ZNF391: variants seen among roughly 807,000 people sequenced by gnomAD.
ZNF391 encodes the protein zinc finger protein 391.
For missense variants in ZNF391, 375 were observed against 425.5 expected, an observed-to-expected ratio of 0.88 and a Z score of 1.04; for synonymous variants, 126 against 142.1, an observed-to-expected ratio of 0.89 and a Z score of 0.80.
intron 1 of ZNF391, among the ~76,000 whole-genome samples, chr6:27,380,088 G>A (rs552049923): frequency 4.8e-4 from 73 of 152,320 alleles, no homozygotes; most frequent in African/African-American, 1.7e-3. Flanking sequence ...TTGAGCCCAG[G>A]AGTTAAAGAC....
intron 1 of ZNF391, among the ~76,000 whole-genome samples, chr6:27,391,314 C>T (rs1365079930): frequency 6.8e-6 from 1 of 148,060 alleles, no homozygotes; most frequent in African/African-American, 2.5e-5. Flanking sequence ...AAGCGATTCT[C>T]CTGCCTCAGC....
chr6:27,401,219 G>A lies in ZNF391; in HGVS notation c.849G>A (p.Gly283=), dbSNP rs1581539359. Residue 283 remains glycine, a synonymous_variant, in exon 3 of 3, where the codon GGG becomes GGA. Coordinates refer to ENST00000244576, the MANE Select transcript of ZNF391 (RefSeq NM_001076781.3). Reference sequence around the variant, plus strand: ...ACCCCTATGAGTGCAGTGAATGTGGGAAAGTGTTCAGTCGAAGCTCGTCTC... The same window carrying A: ...ACCCCTATGAGTGCAGTGAATGTGGAAAAGTGTTCAGTCGAAGCTCGTCTC... The part of the protein sequence containing the change: ...GENPYECSEC[G]KVFSRSSSLT... The A allele has an allele frequency of 1.9e-6, 3 of 1,614,112 alleles. No homozygotes were observed. Among genetic ancestry groups the A allele is most frequent in the Non-Finnish European group, 2.5e-6 (3 of 1,180,004 alleles).
Position 27,403,225 on chromosome 6 carries a change from CTACT to C in ZNF391, c.*1788_*1791del, listed in dbSNP as rs1378716628. The C allele has an allele frequency of 6.6e-6, 1 of 152,136 alleles. No homozygotes were observed. Among genetic ancestry groups the C allele is most frequent in the African/African-American group, 2.4e-5 (1 of 41,432 alleles). 9.4% of individuals were successfully genotyped at this position (152,136 alleles called of 1,614,324 possible). A position where few individuals can be genotyped will look rare whatever the true frequency, so the allele number is the denominator to read the frequency against. ...ACCTAAAGGTCTTTCATAGTTTGAT[CTACT>C]TACTTACTTCCTTTCTCTTCTCAAA... On this transcript the variant is annotated 3_prime_UTR_variant, in exon 3 of 3. Transcript: ENST00000244576.
At chr6:27,399,813 A>G (rs188275126) in intron 2 of ZNF391, among the ~76,000 whole-genome samples, 1 of 152,288 alleles carries the variant, frequency 6.6e-6, no homozygotes, top group East Asian at 1.9e-4. Flanking sequence ...GGTCGTTACT[A>G]TTTCTGAAAT....
At chr6:27,392,422 A>T (rs1761733741) in intron 1 of ZNF391, among the ~76,000 whole-genome samples, 1 of 152,080 alleles carries the variant, frequency 6.6e-6, no homozygotes, top group African/African-American at 2.4e-5. Context: ...TGACTGGCTA[A>T]TTTTTATATT....
At chr6:27,389,101 A>G (rs1306898230) in intron 1 of ZNF391, 26 bp downstream of exon 1, 1 of 456,642 alleles carries the variant, frequency 2.2e-6, no homozygotes, top group Admixed American at 2.3e-5. Flanking sequence ...GGTTCTGGAA[A>G]GCGGAAACAC....
At chr6:27,379,362 T>C (rs1761464057) in intron 1 of ZNF391, among the ~76,000 whole-genome samples, 1 of 152,176 alleles carries the variant, frequency 6.6e-6, no homozygotes, top group Non-Finnish European at 1.5e-5. Flanking sequence ...CACCTAAAAC[T>C]AAACAAAAAT....
At chr6:27,396,750 A>AT (rs1227445851) in intron 1 of ZNF391, among the ~76,000 whole-genome samples, 1 of 152,190 alleles carries the variant, frequency 6.6e-6, no homozygotes, top group African/African-American at 2.4e-5. Flanking sequence ...AAAAAAATGT[A>AT]TATTTCCTTG....
intron 1 of ZNF391, among the ~76,000 whole-genome samples, chr6:27,382,166 T>C (rs1761520328): frequency 6.6e-6 from 1 of 152,114 alleles, no homozygotes; most frequent in African/African-American, 2.4e-5. Context: ...ACCCCGTCTC[T>C]GCTAAAAATA....
chr6:27,389,355 G>GGTCT (rs1214565474), intron 1 of ZNF391: 1 of 454,440 alleles, frequency 2.2e-6, no homozygotes, highest in Non-Finnish European at 4.4e-6. Flanking sequence ...GGGCGAGGGA[G>GGTCT]GTCTTCGGTA....
In ZNF391 at chr6:27,401,430, C is replaced by T; in HGVS notation, c.1060C>T (p.Leu354Phe). ...QSSTLIRHQH[L>F]HTKE is the part of the protein sequence containing the mutation. The stretch of plus-strand genomic sequence containing the variant: ...TTCAACTCTGATCAGACATCAGCAC[C>T]TTCATACTAAAGAGTAATATCTGAG... Residue 354 changes from leucine to phenylalanine, a missense_variant, in exon 3 of 3, where the codon CTT becomes TTT. Physicochemically the swap from Leu to Phe is conservative, Grantham distance 22 (BLOSUM62 0). Coordinates refer to ENST00000244576, the MANE Select transcript of ZNF391 (RefSeq NM_001076781.3). 1 of 1,606,862 alleles carries T rather than the reference C, an allele frequency of 6.2e-7. No individual in the cohort carries two copies. Among genetic ancestry groups the T allele is most frequent in the Admixed American group, 1.7e-5 (1 of 59,810 alleles).
Position 27,376,865 on chromosome 6 carries a change from T to C in ZNF391, n.523+1728T>C, listed in dbSNP as rs1233525335. Reference sequence around the variant, plus strand: ...AAGACTCCCTCTCAAAATAAATAAATAAATAATAAAATACGTACACATTCT... The same window carrying C: ...AAGACTCCCTCTCAAAATAAATAAACAAATAATAAAATACGTACACATTCT... On this transcript the variant is annotated intron_variant and non_coding_transcript_variant, in intron 1 of 2. Coordinates refer to the ZNF391 transcript ENST00000477999. The surrounding 1 kb of genome is among the most constrained non-coding windows in gnomAD (Gnocchi z 4.7). 1.3e-5 allele frequency among the ~76,000 whole-genome samples: 2 copies of C among 151,992 alleles called. No homozygotes were observed. The highest frequency in any genetic ancestry group is 2.9e-5 in the Non-Finnish European group (2 of 67,994).
At chr6:27,386,353 T>A (rs1347960139), upstream of ZNF391, among the ~76,000 whole-genome samples, 1 of 152,212 alleles carries the variant, frequency 6.6e-6, no homozygotes, top group East Asian at 1.9e-4. Context: ...ACAGATTCAA[T>A]GTATTCCTTA....
In ZNF391 at chr6:27,382,034, C is replaced by A. The variant is rs377499932; in HGVS notation, n.523+6897C>A. Among the ~76,000 whole-genome samples, 237 of 88,300 alleles carry A rather than the reference C, an allele frequency of 2.7e-3. 1 individual carries two copies. The highest frequency in any genetic ancestry group is 3.9e-3 in the Admixed American group (28 of 7,254). 57.9% of individuals were successfully genotyped at this position (88,300 alleles called of 152,430 possible). ...TGGGCAACAGAGCAAGACTCCATCTCAAAAAAAAAAAAAAAAGGCCGGCTG... is the reference window on the plus strand; with the variant it reads ...TGGGCAACAGAGCAAGACTCCATCTAAAAAAAAAAAAAAAAAGGCCGGCTG... On this transcript the variant is annotated intron_variant and non_coding_transcript_variant, in intron 1 of 2. Transcript: ENST00000477999.
At chr6:27,384,886 C>T (rs1052760436), upstream of ZNF391, among the ~76,000 whole-genome samples, 2 of 151,804 alleles carry the variant, frequency 1.3e-5, no homozygotes, top group South Asian at 2.1e-4. Context: ...GGCATGTTGG[C>T]GGGTGCCTGT....
At chr6:27,380,205 CA>C (rs767420648) in intron 1 of ZNF391, among the ~76,000 whole-genome samples, 3 of 152,228 alleles carry the variant, frequency 2.0e-5, no homozygotes, top group Non-Finnish European at 4.4e-5. Flanking sequence ...TTCTTGGTCT[CA>C]CTGACTTCAA....
intron 1 of ZNF391, among the ~76,000 whole-genome samples, chr6:27,380,522 T>C (rs1036414182): frequency 6.6e-6 from 1 of 152,196 alleles, no homozygotes; most frequent in Admixed American, 6.5e-5. Context: ...CAAGATTTAA[T>C]GCAAACAGTG....
Position 27,402,843 on chromosome 6 carries a change from C to T in ZNF391, c.*1396C>T, listed in dbSNP as rs1001566301. The T allele has an allele frequency of 2.0e-5, 3 of 152,148 alleles. No individual in the cohort carries two copies. The highest frequency in any genetic ancestry group is 6.5e-5 in the Admixed American group (1 of 15,268). 9.4% of individuals were successfully genotyped at this position (152,148 alleles called of 1,614,324 possible). A position where few individuals can be genotyped will look rare whatever the true frequency, so the allele number is the denominator to read the frequency against. ...CTGAACTCAAACAATTCTCCCACCT[C>T]GGCTTCCGAAAACACTGACATTACA... On this transcript the variant is annotated 3_prime_UTR_variant, in exon 3 of 3. Coordinates refer to ENST00000244576, the MANE Select transcript of ZNF391 (RefSeq NM_001076781.3).
At chr6:27,400,173 C>T (rs1214699352) in intron 2 of ZNF391, 120 bp from the exon 3 acceptor site, 10 of 476,956 alleles carry the variant, frequency 2.1e-5, no homozygotes, top group Middle Eastern at 5.6e-4. Context: ...TTTTTGTTTA[C>T]TCCTCATATA....
Sources: gnomAD v4.1 joint callset for allele counts (sites outside exome capture counted in the v4.1 genomes callset) on GRCh38, gnomAD v4.1.1 for gene constraint, Gnocchi (gnomAD v3.1) non-coding constraint, MANE v1.5 for transcripts, NCBI Gene and HGNC (gene_info 2026-07-23, HGNC 2026-07-21) for gene names.